RPH3A: variants seen among roughly 807,000 people sequenced by gnomAD.
The protein encoded by RPH3A is rabphilin-3A.
RPH3A carries 48 observed loss-of-function variants against 102.2 expected under a neutral mutation model. The ratio of observed to expected loss-of-function variants is 0.47; its 90% confidence interval spans 0.37 to 0.60. The LOEUF (loss-of-function observed/expected upper bound fraction) is 0.60. Among genes scored for constraint, RPH3A ranks in the 20% least tolerant of loss-of-function variants. The pLI, the probability that RPH3A is intolerant of heterozygous loss-of-function variation, is 0.00. For missense variants in RPH3A, 781 were observed against 910.1 expected (o/e 0.86, Z 1.83); for synonymous variants, 310 against 324.3 (o/e 0.96, Z 0.47).
chr12:112,804,670 G>A (rs954612084), intron 2 of RPH3A, among the ~76,000 whole-genome samples: 1 of 152,192 alleles, frequency 6.6e-6, no homozygotes, highest in Non-Finnish European at 1.5e-5. Context: ...TAGCTGTGCA[G>A]ACTTGATTGA....
chr12:112,669,594 A>G (rs1307527653), intron 1 of RPH3A, among the ~76,000 whole-genome samples: 1 of 152,190 alleles, frequency 6.6e-6, no homozygotes, highest in East Asian at 1.9e-4. Flanking sequence ...ACAATCCACA[A>G]AGCCAATCAC....
Position 112,879,198 on chromosome 12 carries a change from G to C in RPH3A, c.1251G>C (p.Lys417Asn). The C allele has an allele frequency of 6.2e-7, 1 of 1,613,396 alleles. No homozygotes were observed. The highest frequency in any genetic ancestry group is 1.3e-5 in the African/African-American group (1 of 75,026). Residue 417 changes from lysine to asparagine, a missense_variant and splice_region_variant, in exon 14 of 22, where the codon AAG becomes AAC. Physicochemically the swap from Lys to Asn is moderately conservative, Grantham distance 94. This residue lies in a region of RPH3A where 730 missense variants were observed against 810.0 expected (regional missense o/e 0.90). Transcript: ENST00000389385. ...SSLQCTIIKA[K>N]GLKPMDSNGL... is the part of the protein sequence containing the mutation. ...TGCAGTGCACCATCATTAAGGCCAAGGTGGGTGATGGGGACCATGCAGGGA... is the reference window on the plus strand; with the variant it reads ...TGCAGTGCACCATCATTAAGGCCAACGTGGGTGATGGGGACCATGCAGGGA...
intron 1 of RPH3A, among the ~76,000 whole-genome samples, chr12:112,712,673 ATG>A (rs1025171419): frequency 2.8e-4 from 42 of 149,096 alleles, no homozygotes; most frequent in Non-Finnish European, 5.1e-4. Flanking sequence ...GTGTGTGTGT[ATG>A]TGTGTGTGTG....
upstream of RPH3A, chr12:112,791,161 A>T (rs2041095299): frequency 6.6e-6 from 1 of 152,142 alleles, no homozygotes; most frequent in Non-Finnish European, 1.5e-5. Flanking sequence ...TTCTGCTCTG[A>T]ATTCTGAGAA....
chr12:112,692,738 AT>A (rs1215662639), intron 1 of RPH3A, among the ~76,000 whole-genome samples: 1 of 152,196 alleles, frequency 6.6e-6, no homozygotes, highest in East Asian at 1.9e-4. Context: ...TTACCCTTGA[AT>A]TTGTCCTTTT....
intron 10 of RPH3A, among the ~76,000 whole-genome samples, chr12:112,871,564 T>G (rs2097973066): frequency 6.6e-6 from 1 of 152,138 alleles, no homozygotes; most frequent in East Asian, 1.9e-4. Context: ...GGTTGCAATA[T>G]TTTTGTGTGA....
chr12:112,712,925 C>CTTCTTCTTCTTCTTCTTCTTCTTCTTCT lies in RPH3A; in HGVS notation c.-139-79217_-139-79216insTCTTCTTCTTCTTCTTCTTCTTCTTCTT, dbSNP rs1565856803. 1.9e-4 allele frequency among the ~76,000 whole-genome samples: 18 copies of CTTCTTCTTCTTCTTCTTCTTCTTCTTCT among 94,564 alleles called. 1 individual carries two copies. The highest frequency in any genetic ancestry group is 7.3e-4 in the African/African-American group (16 of 21,926). The allele number at this position is 94,564 out of a possible 152,430, so 62.0% of individuals were successfully genotyped here. On this transcript the variant is annotated intron_variant, in intron 1 of 21. Coordinates refer to the RPH3A transcript ENST00000543106. ...CTTCCTCTTCTTCTTCTTCTTCTTC[C>CTTCTTCTTCTTCTTCTTCTTCTTCTTCT]TCTTCTTCTTCTTCTTCTTCTTCTT...
chr12:112,882,875 T>C lies in RPH3A; in HGVS notation c.1327-418T>C, dbSNP rs555262894. ...CTTTCTCTTAGAGTAAAATGAAAAA[T>C]GTTGGCCCCTCTAAGGAATTTTAGG... On this transcript the variant is annotated intron_variant, in intron 15 of 21. Transcript: ENST00000389385. Among the ~76,000 whole-genome samples, 8 of 152,266 alleles carry C rather than the reference T, an allele frequency of 5.3e-5. No homozygotes were observed. In the South Asian group the frequency reaches 6.2e-4, roughly 12 times the overall value.
chr12:112,698,859 T>TCCCCTC, intron 1 of RPH3A, among the ~76,000 whole-genome samples: 1 of 145,510 alleles, frequency 6.9e-6, no homozygotes, highest in African/African-American at 2.6e-5. Context: ...TCCTTCTCCT[T>TCCCCTC]CCCCTTCCCC....
intron 6 of RPH3A, among the ~76,000 whole-genome samples, chr12:112,866,530 C>G (rs2042614096): frequency 6.6e-6 from 1 of 152,154 alleles, no homozygotes; most frequent in South Asian, 2.1e-4. Flanking sequence ...CCCACAGGGA[C>G]TCTTAAAGAA....
At chr12:112,775,187 A>G (rs1016269180) in intron 1 of RPH3A, among the ~76,000 whole-genome samples, 2 of 152,190 alleles carry the variant, frequency 1.3e-5, no homozygotes, top group African/African-American at 4.8e-5. Context: ...AAAGCTGTAC[A>G]TCCTGCACAT....
At chr12:112,756,532 C>T (rs548585967) in intron 1 of RPH3A, among the ~76,000 whole-genome samples, 1 of 152,248 alleles carries the variant, frequency 6.6e-6, no homozygotes, top group East Asian at 1.9e-4. Flanking sequence ...TTTTACCCTA[C>T]TTGCAAGCTA....
At chr12:112,660,952 C>T (rs780063239) in intron 1 of RPH3A, among the ~76,000 whole-genome samples, 15 of 152,194 alleles carry the variant, frequency 9.9e-5, no homozygotes, top group Non-Finnish European at 1.9e-4. Flanking sequence ...TGGTCATCTA[C>T]CAGTTGGCTT....
At chr12:112,861,574 C>T (rs557147163) in intron 5 of RPH3A, among the ~76,000 whole-genome samples, 5 of 152,368 alleles carry the variant, frequency 3.3e-5, no homozygotes, top group African/African-American at 7.2e-5. Context: ...TGGGAGCCGA[C>T]TGCCTGGGTC....
intron 14 of RPH3A, 36 bp from the exon 15 acceptor site, chr12:112,881,736 C>G: frequency 6.5e-7 from 1 of 1,527,550 alleles, no homozygotes; most frequent in Non-Finnish European, 9.0e-7. Context: ...CTGGGCCCTC[C>G]TGAGGCCCTC....
At chr12:112,619,087 A>G (rs778350205) in intron 1 of RPH3A, among the ~76,000 whole-genome samples, 9 of 151,956 alleles carry the variant, frequency 5.9e-5, no homozygotes, top group Non-Finnish European at 1.3e-4. Context: ...ATCACATTTT[A>G]TTTATCTGTT....
At chr12:112,726,109 G>T (rs533231584) in intron 1 of RPH3A, among the ~76,000 whole-genome samples, 166 of 149,352 alleles carry the variant, frequency 1.1e-3, no homozygotes, top group South Asian at 3.2e-3. Context: ...TTTTCGGGGG[G>T]GTGGGGGGTG....
intron 5 of RPH3A, among the ~76,000 whole-genome samples, chr12:112,851,067 A>G (rs1165366341): frequency 2.0e-5 from 3 of 152,190 alleles, no homozygotes; most frequent in Non-Finnish European, 2.9e-5. Context: ...AGTGAAAGCT[A>G]TCTGGGAGAG....
chr12:112,617,108 CTT>C (rs1378837164), intron 1 of RPH3A, among the ~76,000 whole-genome samples: 1 of 152,216 alleles, frequency 6.6e-6, no homozygotes, highest in African/African-American at 2.4e-5. Flanking sequence ...AGCCTAAGCT[CTT>C]TCTCTCTCCC....
Sources: gnomAD v4.1 joint callset for allele counts (sites outside exome capture counted in the v4.1 genomes callset) on GRCh38, gnomAD v4.1.1 for gene constraint, gnomAD v4.1.1 regional missense constraint, MANE v1.5 for transcripts, NCBI Gene and HGNC (gene_info 2026-07-23, HGNC 2026-07-21) for gene names.